Variants in L2HGDH observed in about 807,000 individuals in gnomAD.
L2HGDH encodes L-2-hydroxyglutarate dehydrogenase, also known as L-2-hydroxyglutarate dehydrogenase, mitochondrial.
In L2HGDH, 34 loss-of-function variants were observed where a neutral mutation model predicts 51.5. The ratio of observed to expected loss-of-function variants is 0.66; its 90% confidence interval spans 0.50 to 0.88. L2HGDH has a LOEUF of 0.88. Ranked by LOEUF, L2HGDH falls within the 40% of genes least tolerant of loss-of-function variation. L2HGDH has a pLI of 0.00. For missense variants in L2HGDH, 558 were observed against 571.9 expected, an observed-to-expected ratio of 0.98 and a Z score of 0.25; for synonymous variants, 198 against 197.9, an observed-to-expected ratio of 1.00 and a Z score of -0.01.
At chr14:50,250,674 AC>A (rs1888294029) in intron 9 of L2HGDH, among the ~76,000 whole-genome samples, 1 of 151,966 alleles carries the variant, frequency 6.6e-6, no homozygotes, top group Non-Finnish European at 1.5e-5. Flanking sequence ...GCATCACCAC[AC>A]CCCCCAGTTC....
intron 7 of L2HGDH, among the ~76,000 whole-genome samples, chr14:50,268,116 C>A (rs547225342): frequency 2.0e-5 from 3 of 152,236 alleles, no homozygotes; most frequent in Admixed American, 2.0e-4. Context: ...TGGTGGCTCA[C>A]GCCTGTAATC....
chr14:50,290,101 T>C (rs920062612), intron 4 of L2HGDH, among the ~76,000 whole-genome samples: 7 of 151,820 alleles, frequency 4.6e-5, no homozygotes, highest in South Asian at 2.1e-4. Context: ...CTGTCTCTAC[T>C]AAAAATACAA....
intron 4 of L2HGDH, among the ~76,000 whole-genome samples, chr14:50,285,680 T>C (rs928030157): frequency 1.3e-5 from 2 of 152,178 alleles, no homozygotes; most frequent in African/African-American, 2.4e-5. Context: ...CAATCAATAG[T>C]TTTTTGCAAT....
At chr14:50,252,955 C>T (rs776933628) in intron 9 of L2HGDH, among the ~76,000 whole-genome samples, 12 of 152,094 alleles carry the variant, frequency 7.9e-5, no homozygotes, top group Non-Finnish European at 1.5e-4. Context: ...ATTTACAGAA[C>T]ATTTCATCCA....
At chr14:50,303,149 C>T (rs914598148) in intron 1 of L2HGDH, 132 bp from the exon 2 acceptor site, 18 of 649,444 alleles carry the variant, frequency 2.8e-5, no homozygotes, top group Admixed American at 1.9e-4. Flanking sequence ...GGCGGCCGGT[C>T]GCAGTGGCTC....
chr14:50,279,994 A>C (rs1367185393), intron 5 of L2HGDH, among the ~76,000 whole-genome samples: 1 of 150,626 alleles, frequency 6.6e-6, no homozygotes. Flanking sequence ...TGAGAGGCAG[A>C]GATTGGAGTG....
At chr14:50,268,659 TACTG>T (rs1889493501) in intron 7 of L2HGDH, among the ~76,000 whole-genome samples, 1 of 152,200 alleles carries the variant, frequency 6.6e-6, no homozygotes, top group Admixed American at 6.5e-5. Flanking sequence ...AATAGCCGAA[TACTG>T]ACTATTTCAT....
At chr14:50,311,516 A>G in intron 1 of L2HGDH, 1 of 456,118 alleles carries the variant, frequency 2.2e-6, no homozygotes, top group South Asian at 1.5e-5. Flanking sequence ...GCGGGCTTTC[A>G]TTAGCATAAG....
intron 4 of L2HGDH, among the ~76,000 whole-genome samples, chr14:50,292,563 G>A (rs546503967): frequency 6.6e-5 from 10 of 152,220 alleles, no homozygotes; most frequent in African/African-American, 1.2e-4. Context: ...AAAATTAGCC[G>A]AGCATGGTGG....
chr14:50,261,620 C>A (rs1308023150), intron 9 of L2HGDH, among the ~76,000 whole-genome samples: 2 of 151,786 alleles, frequency 1.3e-5, no homozygotes, highest in African/African-American at 4.8e-5. Flanking sequence ...GTAGCTACAA[C>A]TATAGGCGTG....
chr14:50,269,101 C>A, intron 7 of L2HGDH, 62 bp downstream of exon 7: 2 of 1,438,596 alleles, frequency 1.4e-6, no homozygotes, highest in Non-Finnish European at 1.9e-6. Flanking sequence ...AAGTTGTTTT[C>A]ATCTCCTTTA....
At chr14:50,308,807 T>C (rs2030882344) in intron 1 of L2HGDH, among the ~76,000 whole-genome samples, 1 of 152,228 alleles carries the variant, frequency 6.6e-6, no homozygotes, top group African/African-American at 2.4e-5. Context: ...AACCTGAACA[T>C]GAATGTTCAT....
intron 6 of L2HGDH, 44 bp from the exon 7 acceptor site, chr14:50,269,374 G>A: frequency 1.3e-6 from 2 of 1,577,962 alleles, no homozygotes; most frequent in Non-Finnish European, 1.7e-6. Context: ...AAGTGGAGTA[G>A]AATAGGTCAA....
At chr14:50,284,791 G>A (rs1377321572) in intron 4 of L2HGDH, among the ~76,000 whole-genome samples, 1 of 152,186 alleles carries the variant, frequency 6.6e-6, no homozygotes, top group Non-Finnish European at 1.5e-5. Flanking sequence ...CAGACGGTGA[G>A]TGCTATTAAT....
chr14:50,264,634 A>G (rs996688308), intron 9 of L2HGDH, among the ~76,000 whole-genome samples: 8 of 152,206 alleles, frequency 5.3e-5, no homozygotes, highest in Non-Finnish European at 1.2e-4. Context: ...AGAACAGAAA[A>G]CCAAATACCA....
intron 9 of L2HGDH, among the ~76,000 whole-genome samples, chr14:50,254,550 G>GTGT (rs1448198635): frequency 6.6e-6 from 1 of 152,000 alleles, no homozygotes; most frequent in Non-Finnish European, 1.5e-5. Context: ...AGTGTCCAAT[G>GTGT]TAAAACTCTG....
At chr14:50,289,751 A>G (rs1411202134) in intron 4 of L2HGDH, among the ~76,000 whole-genome samples, 4 of 152,230 alleles carry the variant, frequency 2.6e-5, no homozygotes, top group African/African-American at 7.2e-5. Context: ...TATTTCATTT[A>G]ATTCTCAAAA....
intron 4 of L2HGDH, chr14:50,287,193 C>G: frequency 5.1e-6 from 5 of 985,118 alleles, no homozygotes; most frequent in Non-Finnish European, 6.0e-6. Context: ...CTGTGATGGT[C>G]ACCTCATCAG....
intron 6 of L2HGDH, among the ~76,000 whole-genome samples, chr14:50,277,501 C>A (rs1026640128): frequency 1.3e-5 from 2 of 151,678 alleles, no homozygotes; most frequent in Non-Finnish European, 2.9e-5. Flanking sequence ...GAGGGCCAGG[C>A]GTGGTAGCTC....
Sources: allele counts gnomAD v4.1 joint callset (sites outside exome capture counted in the v4.1 genomes callset), GRCh38; gene constraint gnomAD v4.1.1; transcripts MANE v1.5; gene names NCBI Gene and HGNC (gene_info 2026-07-23, HGNC 2026-07-21).